The following DDIT3 variants were observed in gnomAD, a reference collection of about 807,000 sequenced individuals.
DDIT3 encodes the protein DNA damage inducible transcript 3.
A neutral mutation model predicts 17.6 loss-of-function variants in DDIT3; 14 were observed. The observed-to-expected ratio is 0.80, with a 90% CI of 0.53 to 1.25. The LOEUF is 1.25. DDIT3 is among the 50% of genes most tolerant of loss of function. The pLI is 0.00. For synonymous variants in DDIT3, 93 were observed against 76.5 expected (o/e 1.22, Z -1.13); for missense variants, 216 against 202.7 (o/e 1.07, Z -0.40).
chr12:57,517,166 G>T lies in DDIT3; in HGVS notation c.153C>A (p.Ile51=), dbSNP rs1320793304. Residue 51 remains isoleucine, a synonymous_variant, in exon 4 of 4, where the codon ATC becomes ATA. Coordinates refer to ENST00000346473, the MANE Select transcript of DDIT3 (RefSeq NM_004083.6). The part of the protein sequence containing the change: ...PPGNEEEESK[I]FTTLDPASLA... ...GAGAAGCAGGGTCAAGAGTGGTGAAGATTTTTGATTCTTCCTTCAAGGAAA... is the reference window on the plus strand; with the variant it reads ...GAGAAGCAGGGTCAAGAGTGGTGAATATTTTTGATTCTTCCTTCAAGGAAA... 5.6e-6 allele frequency: 9 copies of T among 1,607,238 alleles called. No individual in the cohort carries two copies. In the East Asian group the frequency reaches 2.0e-4, roughly 36 times the overall value.
chr12:57,519,559 G>C (rs939142797), intron 1 of DDIT3, among the ~76,000 whole-genome samples: 4 of 152,196 alleles, frequency 2.6e-5, no homozygotes, highest in Non-Finnish European at 5.9e-5. Context: ...ATGCAATATT[G>C]CCCGAAGTAT....
At chr12:57,519,922 C>T (rs1387342952) in intron 1 of DDIT3, among the ~76,000 whole-genome samples, 1 of 152,212 alleles carries the variant, frequency 6.6e-6, no homozygotes, top group Admixed American at 6.5e-5. Context: ...CAAGGTTCCC[C>T]TATCCGCTGC....
intron 1 of DDIT3, among the ~76,000 whole-genome samples, chr12:57,519,883 G>T (rs1878165865): frequency 6.6e-6 from 1 of 152,192 alleles, no homozygotes; most frequent in African/African-American, 2.4e-5. Context: ...CCTGTCCATC[G>T]GCACCCCTCC....
chr12:57,519,319 T>C, intron 1 of DDIT3: 1 of 431,500 alleles, frequency 2.3e-6, no homozygotes, highest in South Asian at 1.7e-5. Context: ...TCTCCATTCC[T>C]TTCTCTGCTT....
At position 57,516,826 on chromosome 12, in the gene DDIT3, T is replaced by G; in HGVS notation, c.493A>C (p.Asn165His). 6.2e-7 allele frequency: 1 copy of G among 1,611,372 alleles called. No homozygotes were observed. Among genetic ancestry groups the G allele is most frequent in the Non-Finnish European group, 8.5e-7 (1 of 1,179,940 alleles). The change falls in exon 4 of 4, where the codon AAT becomes CAT. Residue 165 changes from asparagine to histidine, a missense_variant. By Grantham distance (68) the Asn-to-His change is moderately conservative (BLOSUM62 1). Transcript: ENST00000346473. Reference sequence around the variant, plus strand: ...CCAATTGTTCATGCTTGGTGCAGATTCACCATTCGGTCAATCAGAGCTCGG... The same window carrying G: ...CCAATTGTTCATGCTTGGTGCAGATGCACCATTCGGTCAATCAGAGCTCGG... ...TRRALIDRMV[N>H]LHQA is the part of the protein sequence containing the mutation.
intron 1 of DDIT3, among the ~76,000 whole-genome samples, chr12:57,517,974 G>A (rs192474129): frequency 1.3e-3 from 192 of 152,086 alleles, no homozygotes; most frequent in African/African-American, 4.5e-3. Context: ...CTACAGGCGC[G>A]TGCCACCACG....
chr12:57,518,715 C>T (rs1340525812), intron 1 of DDIT3, among the ~76,000 whole-genome samples: 5 of 152,200 alleles, frequency 3.3e-5, no homozygotes, highest in African/African-American at 4.8e-5. Flanking sequence ...GGCTGGAAGG[C>T]AGTGGCGCAA....
chr12:57,520,513 A>C lies in DDIT3; in HGVS notation c.-176T>G. 2.5e-6 allele frequency: 1 copy of C among 398,200 alleles called. No individual in the cohort carries two copies. The highest frequency in any genetic ancestry group is 4.4e-6 in the Non-Finnish European group (1 of 225,956). The allele number at this position is 398,200 out of a possible 1,614,324, so 24.7% of individuals were successfully genotyped here. A position where few individuals can be genotyped will look rare whatever the true frequency, so the allele number is the denominator to read the frequency against. ...TCAGTGCCTTAGACTTAAGTCTCTG[A>C]CCTCGGGAGCGCCTGGCTGTAATCT... is the stretch of plus-strand genomic sequence containing the variant. On this transcript the variant is annotated 5_prime_UTR_variant, in exon 1 of 4. Coordinates refer to ENST00000346473, the MANE Select transcript of DDIT3 (RefSeq NM_004083.6).
intron 1 of DDIT3, chr12:57,519,256 C>T (rs1273478203): frequency 1.9e-6 from 1 of 528,572 alleles, no homozygotes; most frequent in African/African-American, 1.9e-5. Flanking sequence ...GAGGAATTAC[C>T]TAAGGTAATT....
chr12:57,519,766 A>AATACCCTGG (rs368035118), intron 1 of DDIT3, among the ~76,000 whole-genome samples: 1 of 152,334 alleles, frequency 6.6e-6, no homozygotes, highest in African/African-American at 2.4e-5. Flanking sequence ...AGGGAAGGAC[A>AATACCCTGG]ATACCCTGGG....
At chr12:57,519,365 T>C in intron 1 of DDIT3, 1 of 377,402 alleles carries the variant, frequency 2.6e-6, no homozygotes, top group Non-Finnish European at 5.3e-6. Flanking sequence ...TTGTTTACTG[T>C]AGGCCTCCCA....
chr12:57,516,697 C>A lies in DDIT3; in HGVS notation c.*112G>T. 1 of 1,528,822 alleles carries A rather than the reference C, an allele frequency of 6.5e-7. No individual in the cohort carries two copies. Among genetic ancestry groups the A allele is most frequent in the East Asian group, 2.3e-5 (1 of 44,316 alleles). The allele number at this position is 1,528,822 out of a possible 1,614,324, so 94.7% of individuals were successfully genotyped here. ...TTGTCTACTCCAAGCCTTCCCCCTGCGTATGTGGGATTGAGGGTCACATCA... is the reference window on the plus strand; with the variant it reads ...TTGTCTACTCCAAGCCTTCCCCCTGAGTATGTGGGATTGAGGGTCACATCA... On this transcript the variant is annotated 3_prime_UTR_variant, in exon 4 of 4. Transcript: ENST00000346473.
Position 57,516,669 on chromosome 12 carries a change from C to CT in DDIT3, c.*139dup. 3.9e-6 allele frequency: 6 copies of CT among 1,521,390 alleles called. 1 individual carries two copies. Among genetic ancestry groups the CT allele is most frequent in the Non-Finnish European group, 5.3e-6 (6 of 1,136,502 alleles). The allele number at this position is 1,521,390 out of a possible 1,614,324, so 94.2% of individuals were successfully genotyped here. Reference sequence around the variant, plus strand: ...CTCTATATACAAGCTGAGACCTTTCCTTTTGTCTACTCCAAGCCTTCCCCC... The same window carrying CT: ...CTCTATATACAAGCTGAGACCTTTCCTTTTTGTCTACTCCAAGCCTTCCCCC... On this transcript the variant is annotated 3_prime_UTR_variant, in exon 4 of 4. Transcript: ENST00000346473.
intron 1 of DDIT3, among the ~76,000 whole-genome samples, chr12:57,519,734 A>AAAG (rs1411978420): frequency 6.6e-6 from 1 of 152,230 alleles, no homozygotes; most frequent in Non-Finnish European, 1.5e-5. Context: ...GGACCGGGTT[A>AAAG]AAGAGGCAGG....
intron 1 of DDIT3, chr12:57,519,046 C>T (rs1878089372): frequency 1.9e-6 from 1 of 523,620 alleles, no homozygotes; most frequent in Non-Finnish European, 3.9e-6. Context: ...CAATCTAGAT[C>T]AATTCACTAC....
Position 57,517,395 on chromosome 12 carries a change from C to T in DDIT3, c.12G>A (p.Glu4=), listed in dbSNP as rs1877946678. 8 of 1,609,908 alleles carry T rather than the reference C, an allele frequency of 5.0e-6. No homozygotes were observed. In the Admixed American group the frequency reaches 6.7e-5, roughly 13 times the overall value. Residue 4 remains glutamate (E), a synonymous_variant, in exon 3 of 4, where the codon GAG becomes GAA. Transcript: ENST00000346473. MAA[E]SLPFSFGTLS... The stretch of plus-strand genomic sequence containing the variant: ...GTGTCCCGAAGGAGAAAGGCAATGA[C>T]TCAGCTGCCATCTCTGCAGTTGGAT...
intron 1 of DDIT3, chr12:57,519,129 A>G: frequency 1.9e-6 from 1 of 532,964 alleles, no homozygotes; most frequent in Non-Finnish European, 3.8e-6. Flanking sequence ...ACCCCTCCGC[A>G]ACTCTATTCA....
chr12:57,516,991 G>T lies in DDIT3; in HGVS notation c.328C>A (p.His110Asn). The T allele has an allele frequency of 6.2e-7, 1 of 1,614,070 alleles. No homozygotes were observed. Among genetic ancestry groups the T allele is most frequent in the South Asian group, 1.1e-5 (1 of 91,068 alleles). Reference protein sequence around the residue: ...GRTRKRKQSGHSPARAGKQRM... With the variant: ...GRTRKRKQSGNSPARAGKQRM... Reference sequence around the variant, plus strand: ...TGCTTTCCAGCCCGGGCTGGGGAATGACCACTCTGTTTCCGTTTCCTGGTT... The same window carrying T: ...TGCTTTCCAGCCCGGGCTGGGGAATTACCACTCTGTTTCCGTTTCCTGGTT... Residue 110 changes from histidine to asparagine, a missense_variant, in exon 4 of 4, where the codon CAT (histidine) becomes AAT (asparagine). Coordinates refer to ENST00000346473, the MANE Select transcript of DDIT3 (RefSeq NM_004083.6).
At chr12:57,519,798 C>T (rs933191952) in intron 1 of DDIT3, among the ~76,000 whole-genome samples, 1 of 152,216 alleles carries the variant, frequency 6.6e-6, no homozygotes, top group African/African-American at 2.4e-5. Flanking sequence ...TGGCCTCCTA[C>T]ACTTAAGAGA....
Sources: gnomAD v4.1 joint callset for allele counts (sites outside exome capture counted in the v4.1 genomes callset) on GRCh38, gnomAD v4.1.1 for gene constraint, MANE v1.5 for transcripts, NCBI Gene and HGNC (gene_info 2026-07-23, HGNC 2026-07-21) for gene names.